SGCZ: variants seen among roughly 807,000 people sequenced by gnomAD.
SGCZ encodes the protein sarcoglycan zeta, also known as zeta-sarcoglycan.
SGCZ carries 40 observed loss-of-function variants against 41.3 expected under a neutral mutation model. The observed-to-expected ratio is 0.97, with a 90% CI of 0.75 to 1.26. The LOEUF (loss-of-function observed/expected upper bound fraction) is 1.26. Among genes scored for constraint, SGCZ ranks in the 50% most tolerant of loss-of-function variants. The pLI, the probability that SGCZ is intolerant of heterozygous loss-of-function variation, is 0.00. For missense variants in SGCZ, 552 were observed against 369.8 expected (o/e 1.49, Z -4.04); for synonymous variants, 206 against 137.5 (o/e 1.50, Z -3.49).
chr8:14,892,285 G>C (rs1214824999), intron 1 of SGCZ, among the ~76,000 whole-genome samples: 2 of 152,066 alleles, frequency 1.3e-5, no homozygotes, highest in African/African-American at 2.4e-5. Context: ...GAGTGTAGGG[G>C]ATATCGCAAC....
intron 1 of SGCZ, among the ~76,000 whole-genome samples, chr8:14,755,470 C>T (rs1416394188): frequency 1.3e-5 from 2 of 152,030 alleles, no homozygotes; most frequent in Non-Finnish European, 2.9e-5. Flanking sequence ...TGTCTACTCA[C>T]GATAAGGAAA....
At chr8:15,222,357 C>T (rs913465367) in intron 1 of SGCZ, among the ~76,000 whole-genome samples, 9 of 151,954 alleles carry the variant, frequency 5.9e-5, no homozygotes, top group African/African-American at 2.2e-4. Context: ...GAAGTTAAAA[C>T]ATAGTTTTCA....
intron 2 of SGCZ, among the ~76,000 whole-genome samples, chr8:14,382,958 G>A (rs1018798385): frequency 6.6e-5 from 10 of 152,076 alleles, no homozygotes; most frequent in Non-Finnish European, 1.5e-4. Flanking sequence ...CTTCTCTCCC[G>A]CAAAAAGCTG....
chr8:15,233,680 TATTGAAAAGTTGTTTTATGTGTCTCAAG>T lies in SGCZ; in HGVS notation c.39+3877_39+3904del, dbSNP rs922045151. Among the ~76,000 whole-genome samples the T allele has an allele frequency of 7.5e-4, 114 of 152,198 alleles. 1 individual carries two copies. The highest frequency in any genetic ancestry group is 3.1e-4 in the Non-Finnish European group (21 of 67,946). On this transcript the variant is annotated intron_variant, in intron 1 of 7. Coordinates refer to ENST00000382080, the MANE Select transcript of SGCZ (RefSeq NM_139167.4). ...AAACTCAAATAAGTAAGATTATCCTTATTGAAAAGTTGTTTTATGTGTCTCAAGATTAACTATGTAGTTTGTAATTTTT... is the reference window on the plus strand; with the variant it reads ...AAACTCAAATAAGTAAGATTATCCTTATTAACTATGTAGTTTGTAATTTTT...
intron 3 of SGCZ, among the ~76,000 whole-genome samples, chr8:14,262,387 T>A (rs923418619): frequency 6.6e-5 from 10 of 152,144 alleles, no homozygotes; most frequent in Admixed American, 2.0e-4. Flanking sequence ...TATTATCTAA[T>A]GCAGTATACA....
intron 2 of SGCZ, among the ~76,000 whole-genome samples, chr8:14,442,419 G>A (rs527657508): frequency 6.6e-6 from 1 of 152,260 alleles, no homozygotes; most frequent in Admixed American, 6.5e-5. Flanking sequence ...ATGTGGAACT[G>A]TGAGTCCATT....
intron 1 of SGCZ, among the ~76,000 whole-genome samples, chr8:14,581,948 C>G (rs139596325): frequency 6.6e-6 from 1 of 152,188 alleles, no homozygotes; most frequent in Non-Finnish European, 1.5e-5. Context: ...GCCTGTCTCT[C>G]ATGCTTCCCA....
intron 3 of SGCZ, among the ~76,000 whole-genome samples, chr8:14,256,178 T>C (rs2117220073): frequency 6.6e-6 from 1 of 152,296 alleles, no homozygotes; most frequent in Non-Finnish European, 1.5e-5. Context: ...ATATGCTTCA[T>C]CCATATTTTT....
chr8:15,063,634 G>A (rs1028405290), intron 1 of SGCZ, among the ~76,000 whole-genome samples: 1 of 152,080 alleles, frequency 6.6e-6, no homozygotes, highest in African/African-American at 2.4e-5. Context: ...ATTCTGAAAT[G>A]ACTTTGAATA....
At chr8:14,749,494 G>C (rs1290254811) in intron 1 of SGCZ, among the ~76,000 whole-genome samples, 2 of 152,128 alleles carry the variant, frequency 1.3e-5, no homozygotes, top group Non-Finnish European at 2.9e-5. Context: ...ATTCCTGTTA[G>C]CAGAGAACTA....
At chr8:14,557,283 T>C (rs1466900565) in intron 1 of SGCZ, among the ~76,000 whole-genome samples, 1 of 151,960 alleles carries the variant, frequency 6.6e-6, no homozygotes, top group Non-Finnish European at 1.5e-5. Context: ...ATGGGGATTT[T>C]TTTTTTGCTA....
At chr8:14,111,894 T>C (rs888268164) in intron 5 of SGCZ, among the ~76,000 whole-genome samples, 2 of 152,184 alleles carry the variant, frequency 1.3e-5, no homozygotes, top group African/African-American at 4.8e-5. Flanking sequence ...ATGCCTAACA[T>C]AAAATGCCAC....
chr8:14,394,815 T>C (rs11993692), intron 2 of SGCZ, among the ~76,000 whole-genome samples: 25,499 of 152,074 alleles, frequency 0.17, 5,016 homozygotes, highest in African/African-American at 0.48. Flanking sequence ...ATGAACATAT[T>C]GTGTCTAAGT....
intron 1 of SGCZ, among the ~76,000 whole-genome samples, chr8:14,892,123 C>T (rs1204893905): frequency 6.6e-6 from 1 of 152,124 alleles, no homozygotes; most frequent in Non-Finnish European, 1.5e-5. Context: ...TGTAGTTGTA[C>T]ATCATTTTAC....
chr8:15,072,609 G>C (rs1219459117), intron 1 of SGCZ, among the ~76,000 whole-genome samples: 1 of 152,070 alleles, frequency 6.6e-6, no homozygotes, highest in Non-Finnish European at 1.5e-5. Context: ...CATTAAATTT[G>C]GGACAGAGGC....
intron 4 of SGCZ, among the ~76,000 whole-genome samples, chr8:14,219,616 G>A (rs147940947): frequency 7.6e-4 from 115 of 152,266 alleles, no homozygotes; most frequent in African/African-American, 2.1e-3. Context: ...GCGTGGTGGC[G>A]CGTGCCTATA....
At chr8:14,244,161 C>G (rs994351856) in intron 3 of SGCZ, among the ~76,000 whole-genome samples, 8 of 150,452 alleles carry the variant, frequency 5.3e-5, no homozygotes, top group Non-Finnish European at 1.0e-4. Context: ...CCTCCTCTTC[C>G]TTCTTCCTCC....
At chr8:14,920,349 C>A (rs1799554088) in intron 1 of SGCZ, among the ~76,000 whole-genome samples, 1 of 152,212 alleles carries the variant, frequency 6.6e-6, no homozygotes, top group African/African-American at 2.4e-5. Flanking sequence ...TCAGATACCA[C>A]TGTCTGCCTT....
At chr8:14,305,565 TA>T (rs1194466206) in intron 3 of SGCZ, among the ~76,000 whole-genome samples, 1 of 152,306 alleles carries the variant, frequency 6.6e-6, no homozygotes, top group East Asian at 1.9e-4. Flanking sequence ...TTCACTCCTT[TA>T]AAAACAAATG....
Sources: gnomAD v4.1 joint callset for allele counts (sites outside exome capture counted in the v4.1 genomes callset) on GRCh38, gnomAD v4.1.1 for gene constraint, MANE v1.5 for transcripts, NCBI Gene and HGNC (gene_info 2026-07-23, HGNC 2026-07-21) for gene names.